Variants in LRRC49 observed in about 807,000 individuals in gnomAD.
LRRC49 encodes the protein leucine rich repeat containing 49.
LRRC49 carries 50 observed loss-of-function variants against 83.3 expected under a neutral mutation model. That is an observed-to-expected ratio of 0.60 (90% CI 0.48 to 0.76). The LOEUF is 0.76. Ranked by LOEUF, LRRC49 falls within the 30% of genes least tolerant of loss-of-function variation. The pLI, the probability that LRRC49 is intolerant of heterozygous loss-of-function variation, is 0.00. For missense variants in LRRC49, 704 were observed against 809.1 expected, an observed-to-expected ratio of 0.87 and a Z score of 1.58; for synonymous variants, 286 against 283.3, an observed-to-expected ratio of 1.01 and a Z score of -0.10.
At chr15:71,026,980 C>T (rs1441736506) in intron 14 of LRRC49, among the ~76,000 whole-genome samples, 1 of 152,088 alleles carries the variant, frequency 6.6e-6, no homozygotes, top group Non-Finnish European at 1.5e-5. Flanking sequence ...GCTTTTGTTG[C>T]CATTGCTTTT....
At chr15:70,927,982 G>A (rs1358829546) in intron 7 of LRRC49, among the ~76,000 whole-genome samples, 1 of 152,068 alleles carries the variant, frequency 6.6e-6, no homozygotes, top group African/African-American at 2.4e-5. Flanking sequence ...TATGTATGCT[G>A]TGAGGTAGGG....
chr15:70,860,224 G>T, intron 1 of LRRC49: 1 of 628,932 alleles, frequency 1.6e-6, no homozygotes, highest in Non-Finnish European at 2.8e-6. Flanking sequence ...CCTGGAGGAG[G>T]CCGCTGTGCA....
At chr15:71,046,120 CTA>C (rs1322249411) in intron 15 of LRRC49, among the ~76,000 whole-genome samples, 1 of 152,114 alleles carries the variant, frequency 6.6e-6, no homozygotes, top group African/African-American at 2.4e-5. Flanking sequence ...TGGGTTGGTT[CTA>C]TGTCTTTGCT....
In LRRC49 at chr15:70,892,848, G is replaced by A. The variant is rs371081309; in HGVS notation, c.-47G>A. The A allele has an allele frequency of 1.2e-6, 2 of 1,614,012 alleles. No homozygotes were observed. Among genetic ancestry groups the A allele is most frequent in the Admixed American group, 1.7e-5 (1 of 60,008 alleles). ...GGTCTCTTTGAATCTCCGCTGTAGC[G>A]TCACCTGGAAGGCAGATCTAACAGA... On this transcript the variant is annotated 5_prime_UTR_variant, in exon 1 of 16. Coordinates refer to ENST00000260382, the MANE Select transcript of LRRC49 (RefSeq NM_017691.5).
chr15:70,911,298 AG>A (rs568506922), intron 5 of LRRC49, among the ~76,000 whole-genome samples: 3 of 152,196 alleles, frequency 2.0e-5, no homozygotes, highest in Non-Finnish European at 4.4e-5. Flanking sequence ...TCTTAGACAT[AG>A]GATTGCTCTT....
chr15:70,988,607 C>G (rs1238134458), intron 11 of LRRC49, among the ~76,000 whole-genome samples: 1 of 151,274 alleles, frequency 6.6e-6, no homozygotes, highest in Non-Finnish European at 1.5e-5. Context: ...CAGTCTGTGT[C>G]TTTTAATTGG....
At chr15:71,041,802 C>T (rs1008312688) in intron 15 of LRRC49, among the ~76,000 whole-genome samples, 1 of 151,982 alleles carries the variant, frequency 6.6e-6, no homozygotes, top group Admixed American at 6.6e-5. Context: ...GCTACAAAAA[C>T]TCCAAAAAAG....
intron 15 of LRRC49, among the ~76,000 whole-genome samples, chr15:71,046,430 G>C (rs2039857096): frequency 6.6e-6 from 1 of 152,094 alleles, no homozygotes; most frequent in African/African-American, 2.4e-5. Flanking sequence ...CTGTGGTTTT[G>C]ATTTGCATTT....
At position 70,969,344 on chromosome 15, in the gene LRRC49, A is replaced by C. The variant is rs531276947; in HGVS notation, c.921+5412A>C. Among the ~76,000 whole-genome samples, 8 of 151,974 alleles carry C rather than the reference A, an allele frequency of 5.3e-5. No individual in the cohort carries two copies. The South Asian group carries it at 1.7e-3, about 32-fold the overall frequency. Reference sequence around the variant, plus strand: ...TCTGTTCTGTTCCATTGGTCTATATATCTGTTTTGGTACCAGTACCTTGTT... The same window carrying C: ...TCTGTTCTGTTCCATTGGTCTATATCTCTGTTTTGGTACCAGTACCTTGTT... On this transcript the variant is annotated intron_variant, in intron 9 of 15. Transcript: ENST00000260382.
chr15:70,856,618 G>A (rs1039795720), intron 1 of LRRC49, among the ~76,000 whole-genome samples: 4 of 152,214 alleles, frequency 2.6e-5, no homozygotes, highest in African/African-American at 9.6e-5. Flanking sequence ...CTCATTTATA[G>A]TAGTTGGCTT....
Position 70,923,932 on chromosome 15 carries a change from C to T in LRRC49, c.711+4739C>T, listed in dbSNP as rs572811319. 4.4e-4 allele frequency among the ~76,000 whole-genome samples: 67 copies of T among 151,948 alleles called. 2 individuals are homozygous for T. In the South Asian group the frequency reaches 0.012, roughly 28 times the overall value. ...AAGGAATTGTCTTATAACAACAGTA[C>T]CACTATCAAACTCAGGAAATTAACA... On this transcript the variant is annotated intron_variant, in intron 7 of 15. Coordinates refer to ENST00000260382, the MANE Select transcript of LRRC49 (RefSeq NM_017691.5).
chr15:70,981,325 C>G (rs1388417859), intron 10 of LRRC49, among the ~76,000 whole-genome samples: 2 of 143,998 alleles, frequency 1.4e-5, no homozygotes, highest in African/African-American at 5.2e-5. Flanking sequence ...AGGGGAACAT[C>G]ACACACCGGG....
intron 11 of LRRC49, among the ~76,000 whole-genome samples, chr15:70,990,960 G>A (rs1376309518): frequency 6.6e-6 from 1 of 152,170 alleles, no homozygotes; most frequent in African/African-American, 2.4e-5. Flanking sequence ...GTTGTTTCAT[G>A]TGTGTCTTCC....
chr15:70,956,065 G>A (rs916313928), intron 8 of LRRC49, among the ~76,000 whole-genome samples: 1 of 152,090 alleles, frequency 6.6e-6, no homozygotes, highest in African/African-American at 2.4e-5. Flanking sequence ...GTACCTTGCT[G>A]GTATAAAAGA....
At chr15:70,891,618 T>TGTGA (rs930540936), upstream of LRRC49, among the ~76,000 whole-genome samples, 8 of 127,564 alleles carry the variant, frequency 6.3e-5, no homozygotes, top group East Asian at 4.7e-4. Context: ...TGTGTGTGTG[T>TGTGA]GAGTTTTGGG....
chr15:70,882,956 GA>G, intron 2 of LRRC49: 1 of 1,594,670 alleles, frequency 6.3e-7, no homozygotes, highest in South Asian at 1.1e-5. Context: ...TACCTTATAG[GA>G]TTTTATCTTT....
In LRRC49 at chr15:71,051,614, A is replaced by C. The variant is rs775989684; in HGVS notation, c.*2002A>C. 7 of 152,254 alleles carry C rather than the reference A, an allele frequency of 4.6e-5. No individual in the cohort carries two copies. The highest frequency in any genetic ancestry group is 8.8e-5 in the Non-Finnish European group (6 of 68,098). 9.4% of individuals were successfully genotyped at this position (152,254 alleles called of 1,614,324 possible). A position where few individuals can be genotyped will look rare whatever the true frequency, so the allele number is the denominator to read the frequency against. On this transcript the variant is annotated 3_prime_UTR_variant, in exon 16 of 16. Transcript: ENST00000260382. The stretch of plus-strand genomic sequence containing the variant: ...GAGTCTGGGTAACTGTTCCCACTCT[A>C]GGCTTTGCAGATGAATGGACCTAGC...
At chr15:71,003,791 A>G (rs1437365690) in intron 11 of LRRC49, among the ~76,000 whole-genome samples, 3 of 152,254 alleles carry the variant, frequency 2.0e-5, no homozygotes, top group Non-Finnish European at 2.9e-5. Flanking sequence ...TCAGTTACCA[A>G]TGGCAGATCT....
chr15:70,866,673 G>A (rs1268291870), intron 1 of LRRC49, among the ~76,000 whole-genome samples: 1 of 152,144 alleles, frequency 6.6e-6, no homozygotes, highest in Non-Finnish European at 1.5e-5. Flanking sequence ...ATATAGATAA[G>A]GGTAGAAAAA....
Sources: allele counts gnomAD v4.1 joint callset (sites outside exome capture counted in the v4.1 genomes callset), GRCh38; gene constraint gnomAD v4.1.1; transcripts MANE v1.5; gene names NCBI Gene and HGNC (gene_info 2026-07-23, HGNC 2026-07-21).